TACR3: variants seen among roughly 807,000 people sequenced by gnomAD.
TACR3 encodes tachykinin receptor 3.
In TACR3, 34 loss-of-function variants were observed where a neutral mutation model predicts 35.0. That is an observed-to-expected ratio of 0.97 (90% CI 0.74 to 1.30). The LOEUF is 1.30. Ranked by LOEUF, TACR3 falls within the 50% of genes most tolerant of loss-of-function variation. TACR3 has a pLI of 0.00. For missense variants in TACR3, 558 were observed against 591.7 expected (o/e 0.94, Z 0.59); for synonymous variants, 233 against 221.1 (o/e 1.05, Z -0.48).
Position 103,658,222 on chromosome 4 carries a change from G to C in TACR3, c.730C>G (p.His244Asp), listed in dbSNP as rs1464819488. ...FVQWPEGPKQ[H>D]FTYHIIVIIL... is the part of the protein sequence containing the mutation. ...AATAGAGAATTAACTTACGTGAAATGTTGTTTGGGACCTTCTGGCCATTGC... is the reference window on the plus strand; with the variant it reads ...AATAGAGAATTAACTTACGTGAAATCTTGTTTGGGACCTTCTGGCCATTGC... Residue 244 changes from histidine (H) to aspartate (D), a missense_variant, in exon 2 of 5, where the codon CAT (histidine) becomes GAT (aspartate). Transcript: ENST00000304883. 1 of 1,613,760 alleles carries C rather than the reference G, an allele frequency of 6.2e-7. No homozygotes were observed. Among genetic ancestry groups the C allele is most frequent in the Admixed American group, 1.7e-5 (1 of 59,950 alleles).
intron 3 of TACR3, among the ~76,000 whole-genome samples, chr4:103,594,324 C>T (rs762388224): frequency 6.6e-6 from 1 of 151,878 alleles, no homozygotes; most frequent in Non-Finnish European, 1.5e-5. Context: ...ATTACAGGAG[C>T]GTGCCACCAC....
chr4:103,710,035 T>C (rs534764465), intron 1 of TACR3, among the ~76,000 whole-genome samples: 4 of 152,224 alleles, frequency 2.6e-5, no homozygotes, highest in South Asian at 2.1e-4. Flanking sequence ...TACAGAGACT[T>C]TGACTCCCAC....
chr4:103,599,341 G>A (rs371014375), intron 3 of TACR3, among the ~76,000 whole-genome samples: 19 of 152,242 alleles, frequency 1.2e-4, no homozygotes, highest in African/African-American at 1.9e-4. Context: ...TTATCAGCTT[G>A]AGGAGATTTT....
chr4:103,619,088 TCTGAAAGTTG>T (rs149093082), intron 3 of TACR3, among the ~76,000 whole-genome samples: 2,988 of 152,310 alleles, frequency 0.02, 102 homozygotes, highest in African/African-American at 0.069. Flanking sequence ...CATTTCTTTC[TCTGAAAGTTG>T]CTGAAAGTGT....
intron 1 of TACR3, among the ~76,000 whole-genome samples, chr4:103,673,866 A>T (rs1726104120): frequency 6.6e-6 from 1 of 152,210 alleles, no homozygotes; most frequent in Non-Finnish European, 1.5e-5. Context: ...AACACAGAAC[A>T]CTATACATAA....
At chr4:103,670,572 G>T (rs1726036378) in intron 1 of TACR3, among the ~76,000 whole-genome samples, 1 of 151,774 alleles carries the variant, frequency 6.6e-6, no homozygotes, top group Non-Finnish European at 1.5e-5. Context: ...TTTATTTGTT[G>T]CTATTATAAA....
chr4:103,613,477 G>A (rs554920875), intron 3 of TACR3, among the ~76,000 whole-genome samples: 2 of 150,696 alleles, frequency 1.3e-5, no homozygotes, highest in Admixed American at 1.3e-4. Flanking sequence ...GCGCTACCAC[G>A]CCCGGCTAAT....
intron 3 of TACR3, among the ~76,000 whole-genome samples, chr4:103,632,162 G>T (rs1005803861): frequency 2.0e-5 from 3 of 152,074 alleles, no homozygotes; most frequent in African/African-American, 7.2e-5. Context: ...ATTTAGAAAT[G>T]CGCATTCGTC....
chr4:103,698,118 A>G (rs576328582), intron 1 of TACR3, among the ~76,000 whole-genome samples: 1 of 152,338 alleles, frequency 6.6e-6, no homozygotes, highest in South Asian at 2.1e-4. Context: ...TTATAATTTT[A>G]ACAAGTAAAA....
chr4:103,685,718 C>T (rs6833168), intron 1 of TACR3, among the ~76,000 whole-genome samples: 1 of 151,978 alleles, frequency 6.6e-6, no homozygotes, highest in Non-Finnish European at 1.5e-5. Context: ...TCCCCCAAAA[C>T]CGAAAAAGAA....
At chr4:103,666,479 T>C (rs1181340533) in intron 1 of TACR3, among the ~76,000 whole-genome samples, 1 of 152,144 alleles carries the variant, frequency 6.6e-6, no homozygotes, top group African/African-American at 2.4e-5. Context: ...CATTAATATA[T>C]TGATTATAAA....
In TACR3 at chr4:103,658,410, A is replaced by G. The variant is rs1017768610; in HGVS notation, c.549-7T>C. The G allele has an allele frequency of 2.5e-6, 4 of 1,611,950 alleles. No individual in the cohort carries two copies. Among genetic ancestry groups the G allele is most frequent in the Non-Finnish European group, 3.4e-6 (4 of 1,178,414 alleles). On this transcript the variant is annotated splice_polypyrimidine_tract_variant and splice_region_variant and intron_variant, in intron 1 of 4. Coordinates refer to ENST00000304883, the MANE Select transcript of TACR3 (RefSeq NM_001059.3). ...ATCAATAATAGCCATATACCTATATAAAAACAAACAAAACCATTTCATTGG... is the reference window on the plus strand; with the variant it reads ...ATCAATAATAGCCATATACCTATATGAAAACAAACAAAACCATTTCATTGG...
intron 3 of TACR3, among the ~76,000 whole-genome samples, chr4:103,630,472 G>A (rs952184434): frequency 6.6e-6 from 1 of 151,980 alleles, no homozygotes; most frequent in Non-Finnish European, 1.5e-5. Context: ...AATCTACAAA[G>A]AACTCAAATT....
chr4:103,656,319 C>G lies in TACR3; in HGVS notation c.763G>C (p.Val255Leu), dbSNP rs201573005. ...ATGATGAGCAATGGGAAACAGTACA[C>G]CAGTATAATGACGATAATATGGTAA... is the stretch of plus-strand genomic sequence containing the variant. ...FTYHIIVIIL[V>L]YCFPLLIMGI... is the part of the protein sequence containing the mutation. The change falls in exon 3 of 5, where the codon GTG becomes CTG. Residue 255 changes from valine (V) to leucine (L), a missense_variant. Transcript: ENST00000304883. 1 of 1,612,590 alleles carries G rather than the reference C, an allele frequency of 6.2e-7. No homozygotes were observed. Among genetic ancestry groups the G allele is most frequent in the Non-Finnish European group, 8.5e-7 (1 of 1,179,064 alleles).
intron 1 of TACR3, among the ~76,000 whole-genome samples, chr4:103,699,942 T>C (rs906882378): frequency 6.6e-6 from 1 of 152,144 alleles, no homozygotes; most frequent in African/African-American, 2.4e-5. Flanking sequence ...AAACTAGAGG[T>C]ATTAATTATT....
intron 3 of TACR3, among the ~76,000 whole-genome samples, chr4:103,637,047 C>T (rs942355549): frequency 6.6e-6 from 1 of 152,080 alleles, no homozygotes. Context: ...GAAACTATTC[C>T]AATCAATAGC....
At chr4:103,711,548 G>GCAAAAAC (rs2110231205) in intron 1 of TACR3, among the ~76,000 whole-genome samples, 1 of 152,244 alleles carries the variant, frequency 6.6e-6, no homozygotes, top group African/African-American at 2.4e-5. Context: ...TAATGAATGG[G>GCAAAAAC]CAAAAACTGG....
Position 103,658,245 on chromosome 4 carries a change from T to C in TACR3, c.707A>G (p.Gln236Arg). The C allele has an allele frequency of 1.9e-6, 3 of 1,613,950 alleles. No individual in the cohort carries two copies. The highest frequency in any genetic ancestry group is 1.1e-5 in the South Asian group (1 of 91,084). ...ATGTTGTTTGGGACCTTCTGGCCAT[T>C]GCACAAAGCAGAGAGTACGGCCTGG... Reference protein sequence around the residue: ...VMPGRTLCFVQWPEGPKQHFT... With the variant: ...VMPGRTLCFVRWPEGPKQHFT... Residue 236 changes from glutamine (Q) to arginine (R), a missense_variant, in exon 2 of 5, where the codon CAA becomes CGA. Gln to Arg is a conservative substitution (Grantham distance 43, BLOSUM62 1). Transcript: ENST00000304883.
At chr4:103,695,375 T>A (rs1722499750) in intron 1 of TACR3, among the ~76,000 whole-genome samples, 1 of 152,070 alleles carries the variant, frequency 6.6e-6, no homozygotes, top group African/African-American at 2.4e-5. Context: ...TCTTTCTTCC[T>A]CCTCCTTCTC....
Sources: gnomAD v4.1 joint callset for allele counts (sites outside exome capture counted in the v4.1 genomes callset) on GRCh38, gnomAD v4.1.1 for gene constraint, MANE v1.5 for transcripts, NCBI Gene and HGNC (gene_info 2026-07-23, HGNC 2026-07-21) for gene names.